The following RIMBP2 variants were observed in gnomAD, a reference collection of about 807,000 sequenced individuals.
RIMBP2 encodes the protein RIMS-binding protein 2.
In RIMBP2, 48 loss-of-function variants were observed where a neutral mutation model predicts 118.6. The observed-to-expected ratio is 0.40, with a 90% CI of 0.32 to 0.51. RIMBP2 has a LOEUF of 0.51. RIMBP2 is among the 20% of genes least tolerant of loss of function. RIMBP2 has a pLI of 0.41. For synonymous variants in RIMBP2, 762 were observed against 742.9 expected, an observed-to-expected ratio of 1.03 and a Z score of -0.42; for missense variants, 1,551 against 1,768.3, an observed-to-expected ratio of 0.88 and a Z score of 2.20.
intron 21 of RIMBP2, among the ~76,000 whole-genome samples, chr12:130,400,758 T>A: frequency 6.6e-6 from 1 of 152,090 alleles, no homozygotes; most frequent in Admixed American, 6.6e-5. Context: ...CCAGAACATA[T>A]AAAGAACATC....
At chr12:130,410,805 CTTCTTG>C (rs1221776119) in intron 19 of RIMBP2, among the ~76,000 whole-genome samples, 1 of 152,184 alleles carries the variant, frequency 6.6e-6, no homozygotes, top group Non-Finnish European at 1.5e-5. Flanking sequence ...ATCTTCCAAG[CTTCTTG>C]TTCTTGTTAA....
At chr12:130,613,479 C>G (rs115334525) in intron 2 of RIMBP2, among the ~76,000 whole-genome samples, 1,605 of 152,242 alleles carry the variant, frequency 0.011, 31 homozygotes, top group African/African-American at 0.037. Flanking sequence ...ATCTGGGAGG[C>G]AAGCAGGGAA....
At chr12:130,449,880 ACCCC>A (rs2078851066) in intron 9 of RIMBP2, among the ~76,000 whole-genome samples, 1 of 150,138 alleles carries the variant, frequency 6.7e-6, no homozygotes, top group South Asian at 2.1e-4. Context: ...GGAAAGAAGG[ACCCC>A]TCCTTGGAGC....
At chr12:130,604,468 T>C in intron 2 of RIMBP2, among the ~76,000 whole-genome samples, 1 of 140,332 alleles carries the variant, frequency 7.1e-6, no homozygotes, top group East Asian at 2.1e-4. Flanking sequence ...TCACATTCAC[T>C]CTCCACTCAC....
chr12:130,532,543 G>T (rs1346926628), intron 2 of RIMBP2, among the ~76,000 whole-genome samples: 194 of 85,932 alleles, frequency 2.3e-3, no homozygotes, highest in South Asian at 3.4e-3. Flanking sequence ...ATGCGTGTGT[G>T]TAGCCTCTAG....
At chr12:130,698,994 T>A (rs1207253022) in intron 1 of RIMBP2, among the ~76,000 whole-genome samples, 1 of 152,164 alleles carries the variant, frequency 6.6e-6, no homozygotes, top group Non-Finnish European at 1.5e-5. Context: ...TCATCATCAC[T>A]GGCCATCAGA....
intron 17 of RIMBP2, among the ~76,000 whole-genome samples, chr12:130,415,911 T>C (rs1382413408): frequency 6.6e-6 from 1 of 152,042 alleles, no homozygotes; most frequent in African/African-American, 2.4e-5. Flanking sequence ...CACCAATAAA[T>C]TGTTCAAGCT....
At chr12:130,565,345 AAC>A (rs2057137715) in intron 2 of RIMBP2, among the ~76,000 whole-genome samples, 2 of 152,164 alleles carry the variant, frequency 1.3e-5, no homozygotes, top group Non-Finnish European at 2.9e-5. Flanking sequence ...GAGGATTTTA[AAC>A]ACAGAGTCAG....
chr12:130,506,752 G>A lies in RIMBP2; in HGVS notation c.-108C>T. ...ACGAGGGTGAGCGGATGGTTGAGAT[G>A]CACATACTCTGCCTTCACCTGCAAG... On this transcript the variant is annotated 5_prime_UTR_variant, in exon 4 of 23. Coordinates refer to ENST00000690449, the MANE Select transcript of RIMBP2 (RefSeq NM_001393629.1). The A allele has an allele frequency of 4.1e-6, 4 of 985,742 alleles. No individual in the cohort carries two copies. The highest frequency in any genetic ancestry group is 4.8e-6 in the Non-Finnish European group (4 of 829,958). 61.1% of individuals were successfully genotyped at this position (985,742 alleles called of 1,614,324 possible).
intron 1 of RIMBP2, among the ~76,000 whole-genome samples, chr12:130,639,494 A>T (rs1286771856): frequency 2.0e-5 from 3 of 149,762 alleles, no homozygotes; most frequent in Non-Finnish European, 4.5e-5. Context: ...CCTCAAAAAA[A>T]AAAAAAAAAA....
chr12:130,671,783 G>A (rs1036546447), intron 1 of RIMBP2, among the ~76,000 whole-genome samples: 3 of 137,224 alleles, frequency 2.2e-5, no homozygotes, highest in South Asian at 2.3e-4. Flanking sequence ...AAAATCATCC[G>A]GTTGAGAACC....
At chr12:130,699,625 GC>G (rs2065750109) in intron 1 of RIMBP2, among the ~76,000 whole-genome samples, 2 of 151,492 alleles carry the variant, frequency 1.3e-5, no homozygotes, top group East Asian at 3.9e-4. Context: ...TATACCTAAT[GC>G]TAAATGACGA....
At chr12:130,626,335 C>T (rs1422510736) in intron 2 of RIMBP2, among the ~76,000 whole-genome samples, 2 of 152,168 alleles carry the variant, frequency 1.3e-5, no homozygotes, top group South Asian at 2.1e-4. Context: ...GCCAGCATCA[C>T]CATCAGCTCC....
intron 1 of RIMBP2, among the ~76,000 whole-genome samples, chr12:130,701,774 C>T (rs556929059): frequency 3.3e-5 from 5 of 152,204 alleles, no homozygotes; most frequent in Non-Finnish European, 7.4e-5. Context: ...CTTTAAATAA[C>T]GCATCCTTCA....
chr12:130,549,118 G>A (rs1239858062), intron 2 of RIMBP2, among the ~76,000 whole-genome samples: 1 of 152,174 alleles, frequency 6.6e-6, no homozygotes, highest in Admixed American at 6.5e-5. Context: ...ATTTTATTCA[G>A]TGTGATTTCA....
chr12:130,474,380 T>A (rs923452098), intron 5 of RIMBP2, among the ~76,000 whole-genome samples: 1 of 152,168 alleles, frequency 6.6e-6, no homozygotes, highest in Non-Finnish European at 1.5e-5. Flanking sequence ...CCTCGTCACA[T>A]CTCCAATTCC....
At chr12:130,498,756 C>T (rs1206289031) in intron 4 of RIMBP2, among the ~76,000 whole-genome samples, 4 of 152,060 alleles carry the variant, frequency 2.6e-5, no homozygotes, top group Non-Finnish European at 5.9e-5. Context: ...GGACAACATG[C>T]AGGCAAAGAG....
intron 5 of RIMBP2, among the ~76,000 whole-genome samples, chr12:130,472,864 T>C (rs546222670): frequency 4.6e-5 from 7 of 152,306 alleles, no homozygotes; most frequent in Middle Eastern, 6.8e-3. Flanking sequence ...GAACACAGCA[T>C]GTTAATTACA....
intron 2 of RIMBP2, among the ~76,000 whole-genome samples, chr12:130,519,974 G>T (rs1352027553): frequency 2.0e-5 from 3 of 152,134 alleles, no homozygotes; most frequent in Non-Finnish European, 2.9e-5. Context: ...CTTCCCTCCT[G>T]AAGGCATTGC....
Sources: allele counts gnomAD v4.1 joint callset (sites outside exome capture counted in the v4.1 genomes callset), GRCh38; gene constraint gnomAD v4.1.1; transcripts MANE v1.5; gene names NCBI Gene and HGNC (gene_info 2026-07-23, HGNC 2026-07-21).